CDH4: variants seen among roughly 807,000 people sequenced by gnomAD.
The protein encoded by CDH4 is cadherin 4, also known as cadherin-4.
A neutral mutation model predicts 86.0 loss-of-function variants in CDH4; 33 were observed. The observed-to-expected ratio is 0.38, with a 90% CI of 0.29 to 0.51. The LOEUF (loss-of-function observed/expected upper bound fraction) is 0.51, where lower values mean the gene tolerates loss of function less well. Among genes scored for constraint, CDH4 ranks in the 20% least tolerant of loss-of-function variants. The probability of loss-of-function intolerance (pLI) is 0.86; values close to 1 mark genes in which losing one functional copy is unlikely to be tolerated. For missense variants in CDH4, 1,114 were observed against 1,307.4 expected (o/e 0.85, Z 2.28); for synonymous variants, 555 against 549.4 (o/e 1.01, Z -0.14).
Position 61,923,475 on chromosome 20 carries a change from G to A in CDH4, c.1399G>A (p.Ala467Thr). Residue 467 changes from alanine (A) to threonine (T), a missense_variant, in exon 10 of 16, where the codon GCT (alanine) becomes ACT (threonine). By Grantham distance (58) the Ala-to-Thr change is moderately conservative. Coordinates refer to ENST00000614565, the MANE Select transcript of CDH4 (RefSeq NM_001794.5). Reference protein sequence around the residue: ...VKAVDYELNRAFMLTVMVSNQ... With the variant: ...VKAVDYELNRTFMLTVMVSNQ... ...GGCAGTCGACTACGAGCTCAACAGA[G>A]CTTTCATGCTGACAGTGATGGTGTC... 6.2e-7 allele frequency: 1 copy of A among 1,614,192 alleles called. No individual in the cohort carries two copies. Among genetic ancestry groups the A allele is most frequent in the Non-Finnish European group, 8.5e-7 (1 of 1,180,036 alleles).
chr20:61,683,576 C>T (rs1379742329), intron 2 of CDH4, among the ~76,000 whole-genome samples: 1 of 152,216 alleles, frequency 6.6e-6, no homozygotes, highest in Non-Finnish European at 1.5e-5. Context: ...TTCCTCAGAT[C>T]CCGCAGATGG....
intron 2 of CDH4, among the ~76,000 whole-genome samples, chr20:61,597,726 C>G (rs967810589): frequency 1.3e-5 from 2 of 152,190 alleles, no homozygotes; most frequent in African/African-American, 4.8e-5. Context: ...CAGCGACTCT[C>G]ACAGGAGAGG....
Position 61,652,849 on chromosome 20 carries a change from A to ATT in CDH4, c.170-90706_170-90705dup, listed in dbSNP as rs11482361. ...CCATAATGCCAAAGAAAAATCAAGA[A>ATT]TTTTTTTTTGGGGGGGGGATAAAAA... On this transcript the variant is annotated intron_variant, in intron 2 of 15. Coordinates refer to ENST00000614565, the MANE Select transcript of CDH4 (RefSeq NM_001794.5). Among the ~76,000 whole-genome samples the ATT allele has an allele frequency of 2.0e-3, 32 of 15,838 alleles. No homozygotes were observed. The South Asian group carries it at 0.032, about 16-fold the overall frequency. 10.4% of individuals were successfully genotyped at this position (15,838 alleles called of 152,430 possible).
At chr20:61,415,546 G>A (rs767866094) in intron 2 of CDH4, among the ~76,000 whole-genome samples, 3 of 151,324 alleles carry the variant, frequency 2.0e-5, no homozygotes, top group Admixed American at 6.6e-5. Context: ...ACTCTCCCCC[G>A]CCCCTGGCCC....
intron 2 of CDH4, among the ~76,000 whole-genome samples, chr20:61,652,456 C>A (rs1242004766): frequency 2.0e-5 from 3 of 152,208 alleles, no homozygotes; most frequent in African/African-American, 7.2e-5. Context: ...TAACTGTCGT[C>A]TATTTAAGCG....
At chr20:61,633,309 G>C (rs1176642742) in intron 2 of CDH4, among the ~76,000 whole-genome samples, 1 of 148,538 alleles carries the variant, frequency 6.7e-6, no homozygotes, top group African/African-American at 2.5e-5. Context: ...ATCCACTCAT[G>C]CATCCAACTC....
chr20:61,357,872 C>T (rs142756057), intron 2 of CDH4, among the ~76,000 whole-genome samples: 62 of 152,288 alleles, frequency 4.1e-4, no homozygotes, highest in Admixed American at 1.0e-3. Context: ...GCAGGAACAA[C>T]GATTCTTTGC....
intron 7 of CDH4, among the ~76,000 whole-genome samples, chr20:61,889,540 GTGGATGA>G (rs1260349852): frequency 3.1e-4 from 45 of 145,474 alleles, no homozygotes; most frequent in Admixed American, 2.9e-3. Flanking sequence ...TAAGTGGATG[GTGGATGA>G]TGGATGATGG....
intron 2 of CDH4, among the ~76,000 whole-genome samples, chr20:61,567,107 G>A (rs1266285815): frequency 6.6e-6 from 1 of 152,126 alleles, no homozygotes; most frequent in Admixed American, 6.5e-5. Flanking sequence ...CCACCAAGCT[G>A]CCATCCAAAA....
At chr20:61,622,797 C>T (rs1314632546) in intron 2 of CDH4, among the ~76,000 whole-genome samples, 1 of 152,228 alleles carries the variant, frequency 6.6e-6, no homozygotes, top group African/African-American at 2.4e-5. Flanking sequence ...CCAGTTGTGA[C>T]AGCCAAGACC....
intron 2 of CDH4, among the ~76,000 whole-genome samples, chr20:61,278,664 A>G (rs979197834): frequency 2.0e-5 from 3 of 152,230 alleles, no homozygotes; most frequent in Non-Finnish European, 4.4e-5. Flanking sequence ...ATGCAAGGGA[A>G]ATAGAGGCCA....
intron 2 of CDH4, among the ~76,000 whole-genome samples, chr20:61,543,410 GAC>G (rs1404858134): frequency 6.6e-6 from 1 of 152,222 alleles, no homozygotes; most frequent in Non-Finnish European, 1.5e-5. Flanking sequence ...TTAGAAAAGT[GAC>G]AGTTTCTTTT....
chr20:61,652,938 A>ATTTTTTTTTTTTTTTTTTTTTTTTTT (rs763918382), intron 2 of CDH4, among the ~76,000 whole-genome samples: 13 of 97,412 alleles, frequency 1.3e-4, no homozygotes, highest in South Asian at 3.0e-4. Context: ...TTATTTATTT[A>ATTTTTTTTTTTTTTTTTTTTTTTTTT]TTTTTTTTTT....
chr20:61,706,642 A>T (rs1024892036), intron 2 of CDH4, among the ~76,000 whole-genome samples: 4 of 152,082 alleles, frequency 2.6e-5, no homozygotes, highest in Admixed American at 2.0e-4. Flanking sequence ...GACCAAAGGG[A>T]TCGGTTTCTC....
intron 2 of CDH4, among the ~76,000 whole-genome samples, chr20:61,354,021 G>T (rs538630441): frequency 6.6e-6 from 1 of 151,954 alleles, no homozygotes; most frequent in Non-Finnish European, 1.5e-5. Context: ...ACAGGGATGG[G>T]GATTATTCTG....
At chr20:61,644,617 G>A (rs963504010) in intron 2 of CDH4, among the ~76,000 whole-genome samples, 3 of 152,192 alleles carry the variant, frequency 2.0e-5, no homozygotes, top group Non-Finnish European at 4.4e-5. Context: ...GGCTCAGGAG[G>A]GGCGGTCTCC....
In CDH4 at chr20:61,872,442, G is replaced by T. The variant is rs79851781; in HGVS notation, c.878-1286G>T. Reference sequence around the variant, plus strand: ...CAAGATCCCAAGGCTGGTGTGGCGAGAGTCCTTCATCTCATGCACACGGGA... The same window carrying T: ...CAAGATCCCAAGGCTGGTGTGGCGATAGTCCTTCATCTCATGCACACGGGA... On this transcript the variant is annotated intron_variant, in intron 6 of 15. Transcript: ENST00000614565. Among the ~76,000 whole-genome samples, 111 of 152,274 alleles carry T rather than the reference G, an allele frequency of 7.3e-4. 1 individual carries two copies. Among genetic ancestry groups the T allele is most frequent in the African/African-American group, 2.7e-3 (111 of 41,538 alleles).
At chr20:61,526,224 G>A (rs2145633969) in intron 2 of CDH4, among the ~76,000 whole-genome samples, 1 of 151,676 alleles carries the variant, frequency 6.6e-6, no homozygotes, top group East Asian at 1.9e-4. Context: ...CCAGGCAGAA[G>A]CAGGAGGATT....
chr20:61,741,006 T>A (rs1390376507), intron 2 of CDH4: 1 of 152,066 alleles, frequency 6.6e-6, no homozygotes, highest in Non-Finnish European at 1.5e-5. Context: ...AGGTCAGGAG[T>A]TCGAGACCAG....
Sources: gnomAD v4.1 joint callset for allele counts (sites outside exome capture counted in the v4.1 genomes callset) on GRCh38, gnomAD v4.1.1 for gene constraint, MANE v1.5 for transcripts, NCBI Gene and HGNC (gene_info 2026-07-23, HGNC 2026-07-21) for gene names.